APPL2: variants seen among roughly 807,000 people sequenced by gnomAD.
APPL2 encodes adaptor protein, phosphotyrosine interacting with PH domain and leucine zipper 2, also known as DCC-interacting protein 13-beta.
A neutral mutation model predicts 92.7 loss-of-function variants in APPL2; 84 were observed. That is an observed-to-expected ratio of 0.91 (90% CI 0.76 to 1.09). APPL2 has a LOEUF of 1.09. Ranked by LOEUF, APPL2 falls within the 50% of genes least tolerant of loss-of-function variation. APPL2 has a pLI of 0.00. For missense variants in APPL2, 736 were observed against 824.5 expected (o/e 0.89, Z 1.31); for synonymous variants, 291 against 291.0 (o/e 1.00, Z 0.00).
chr12:105,175,702 G>A (rs1018076917), intron 20 of APPL2, among the ~76,000 whole-genome samples: 4 of 152,228 alleles, frequency 2.6e-5, no homozygotes, highest in African/African-American at 9.6e-5. Flanking sequence ...TGTGGGGCAT[G>A]TGATCATACT....
At chr12:105,174,888 T>TG (rs1885373629) in intron 20 of APPL2, among the ~76,000 whole-genome samples, 2 of 81,680 alleles carry the variant, frequency 2.4e-5, no homozygotes, top group African/African-American at 4.3e-5. Flanking sequence ...GGGGGGGGGG[T>TG]GGTGCGGCGG....
chr12:105,217,670 T>C lies in APPL2; in HGVS notation c.209A>G (p.Lys70Arg), dbSNP rs36126236. 2,754 of 1,613,982 alleles carry C rather than the reference T, an allele frequency of 1.7e-3. 3 individuals carry two copies. Among genetic ancestry groups the C allele is most frequent in the Non-Finnish European group, 2.0e-3 (2,350 of 1,180,006 alleles). Residue 70 changes from lysine to arginine, a missense_variant, in exon 3 of 21, where the codon AAA becomes AGA. Coordinates refer to ENST00000258530, the MANE Select transcript of APPL2 (RefSeq NM_018171.5). ...GCCACATAAATACCAAGTTACCTGT[T>C]TTTCATATGCCAGCAGTTGCTTAGA... ...QLSKQLLAYE[K>R]QNFALGKGDE... is the part of the protein sequence containing the mutation.
At chr12:105,229,748 T>C (rs1890782586) in intron 1 of APPL2, 5 of 987,788 alleles carry the variant, frequency 5.1e-6, no homozygotes, top group South Asian at 4.7e-5. Context: ...TTTCCTCTTA[T>C]GGTACTACGA....
chr12:105,222,104 C>A (rs2464184), intron 2 of APPL2, among the ~76,000 whole-genome samples: 103,218 of 152,096 alleles, frequency 0.68, 35,524 homozygotes, highest in African/African-American at 0.79. Flanking sequence ...AGGAGCCCCT[C>A]GAGACAGGAT....
At chr12:105,196,787 T>G (rs1370908912) in intron 11 of APPL2, among the ~76,000 whole-genome samples, 1 of 152,146 alleles carries the variant, frequency 6.6e-6, no homozygotes, top group Non-Finnish European at 1.5e-5. Context: ...AGTTCCCTTG[T>G]TCCTCTCATC....
intron 8 of APPL2, among the ~76,000 whole-genome samples, chr12:105,206,051 T>C (rs1888671341): frequency 6.6e-6 from 1 of 152,234 alleles, no homozygotes; most frequent in Non-Finnish European, 1.5e-5. Context: ...CAACTGAGCT[T>C]GGATATCTTC....
In APPL2 at chr12:105,217,126, G is replaced by C; in HGVS notation, c.228C>G (p.Gly76=). The stretch of plus-strand genomic sequence containing the variant: ...TTGAAATTACTTCTTCATCACCTTT[G>C]CCAAGAGCAAAGTTCTAAGACCAAA... The part of the protein sequence containing the change: ...LAYEKQNFAL[G]KGDEEVISTL... The change falls in exon 4 of 21, where the codon GGC becomes GGG. Residue 76 remains glycine (G), a synonymous_variant. Transcript: ENST00000258530. 2 of 1,610,230 alleles carry C rather than the reference G, an allele frequency of 1.2e-6. No individual in the cohort carries two copies. The highest frequency in any genetic ancestry group is 1.7e-6 in the Non-Finnish European group (2 of 1,177,484).
At chr12:105,189,471 T>A (rs560164858) in intron 16 of APPL2, among the ~76,000 whole-genome samples, 1 of 152,336 alleles carries the variant, frequency 6.6e-6, no homozygotes, top group Non-Finnish European at 1.5e-5. Context: ...CACAGCGTAT[T>A]TCCAGTTCAC....
At chr12:105,207,863 T>TA (rs370020850) in intron 7 of APPL2, 108 bp downstream of exon 7, 5,873 of 784,264 alleles carry the variant, frequency 7.5e-3, no homozygotes, top group Non-Finnish European at 9.0e-3. Flanking sequence ...CATGTATAGT[T>TA]AAAAAAAAAA....
At chr12:105,221,204 G>C (rs1417785838) in intron 2 of APPL2, among the ~76,000 whole-genome samples, 2 of 152,182 alleles carry the variant, frequency 1.3e-5, no homozygotes, top group African/African-American at 2.4e-5. Flanking sequence ...CTCTACAACA[G>C]GACTTGCAAA....
rs148669739 is a variant in APPL2 at position 105,181,278 on chromosome 12, G to A, written c.1635-4016C>T. Among the ~76,000 whole-genome samples, 594 of 152,298 alleles carry A rather than the reference G, an allele frequency of 3.9e-3. 2 individuals carry two copies. Among genetic ancestry groups the A allele is most frequent in the African/African-American group, 0.014 (567 of 41,568 alleles). On this transcript the variant is annotated intron_variant, in intron 17 of 20. Transcript: ENST00000258530. ...GGATTACATTTACTGATTTGCGTATGTCGAACCAGCCTTGCATCCCAGGGA... is the reference window on the plus strand; with the variant it reads ...GGATTACATTTACTGATTTGCGTATATCGAACCAGCCTTGCATCCCAGGGA...
intron 9 of APPL2, among the ~76,000 whole-genome samples, chr12:105,200,055 C>T (rs1042080764): frequency 6.6e-6 from 1 of 151,568 alleles, no homozygotes; most frequent in African/African-American, 2.4e-5. Flanking sequence ...AGGACGGTCT[C>T]GATCTCCTGA....
chr12:105,228,314 A>T, intron 2 of APPL2, among the ~76,000 whole-genome samples: 1 of 152,176 alleles, frequency 6.6e-6, no homozygotes, highest in East Asian at 1.9e-4. Context: ...TCCAATGAGC[A>T]TTTCGTTTAT....
intron 10 of APPL2, among the ~76,000 whole-genome samples, chr12:105,198,589 T>C (rs1052473942): frequency 2.0e-5 from 3 of 152,194 alleles, no homozygotes; most frequent in African/African-American, 4.8e-5. Flanking sequence ...GACCCTCCAC[T>C]GGGGGTTATC....
At chr12:105,176,325 G>C (rs989430520) in intron 19 of APPL2, 6 of 544,628 alleles carry the variant, frequency 1.1e-5, no homozygotes, top group Non-Finnish European at 1.9e-5. Flanking sequence ...GGTAATTCCA[G>C]TGTTAAAAGT....
chr12:105,232,135 T>G (rs1008660828), intron 1 of APPL2, among the ~76,000 whole-genome samples: 10 of 152,236 alleles, frequency 6.6e-5, no homozygotes, highest in African/African-American at 2.4e-4. Context: ...CTCAACTAAA[T>G]AGCTATTTTT....
chr12:105,214,657 T>C (rs1173250781), intron 4 of APPL2, among the ~76,000 whole-genome samples: 3 of 152,232 alleles, frequency 2.0e-5, no homozygotes, highest in African/African-American at 7.2e-5. Context: ...CATATTTTGT[T>C]ATAATACTTG....
At chr12:105,196,424 TC>T in intron 11 of APPL2, among the ~76,000 whole-genome samples, 1 of 101,188 alleles carries the variant, frequency 9.9e-6, no homozygotes, top group Non-Finnish European at 1.8e-5. Context: ...AGGCGTTAAC[TC>T]TTTTTTTTTT....
chr12:105,189,922 T>G, intron 15 of APPL2, 69 bp downstream of exon 15: 1 of 1,611,150 alleles, frequency 6.2e-7, no homozygotes, highest in Non-Finnish European at 8.5e-7. Context: ...TCTTTGGTGG[T>G]GGAGGGGGAC....
Sources: allele counts gnomAD v4.1 joint callset (sites outside exome capture counted in the v4.1 genomes callset), GRCh38; gene constraint gnomAD v4.1.1; transcripts MANE v1.5; gene names NCBI Gene and HGNC (gene_info 2026-07-23, HGNC 2026-07-21).